The following PPFIBP1 variants were observed in gnomAD, a reference collection of about 807,000 sequenced individuals.
PPFIBP1 encodes the protein PPFIB scaffold protein 1.
In PPFIBP1, 112 loss-of-function variants were observed where a neutral mutation model predicts 137.8. The observed-to-expected ratio is 0.81, with a 90% confidence interval of 0.70 to 0.95. The LOEUF is 0.95. Among genes scored for constraint, PPFIBP1 ranks in the 40% least tolerant of loss-of-function variants. The probability of loss-of-function intolerance (pLI) is 0.00; values close to 1 mark genes in which losing one functional copy is unlikely to be tolerated. For synonymous variants in PPFIBP1, 378 were observed against 417.3 expected (o/e 0.91, Z 1.15); for missense variants, 1,083 against 1,196.6 (o/e 0.91, Z 1.40).
rs540614015 is a variant in PPFIBP1 at position 27,544,462 on chromosome 12, G to A, written c.-124+20097G>A. 9.2e-5 allele frequency among the ~76,000 whole-genome samples: 14 copies of A among 152,290 alleles called. No individual in the cohort carries two copies. The South Asian group carries it at 2.3e-3, about 25-fold the overall frequency. ...CGTCGGAGTGAACAGGCAGCCTACA[G>A]AATGGGAGAAAAGTTTTGCAATCTA... On this transcript the variant is annotated intron_variant, in intron 1 of 29. Transcript: ENST00000228425.
Position 27,641,980 on chromosome 12 carries a change from A to AATAAATAAATAAATAAATAG in PPFIBP1, c.271-4079_271-4078insAATAAATAAATAAATAGATA, listed in dbSNP as rs1555225027. Among the ~76,000 whole-genome samples the AATAAATAAATAAATAAATAG allele has an allele frequency of 2.0e-3, 287 of 144,978 alleles. 2 individuals are homozygous for AATAAATAAATAAATAAATAG. The highest frequency in any genetic ancestry group is 3.5e-3 in the Middle Eastern group (1 of 282). On this transcript the variant is annotated intron_variant, in intron 4 of 29. Coordinates refer to ENST00000228425, the MANE Select transcript of PPFIBP1 (RefSeq NM_003622.4). ...AAATAAATAAATAAATAAATAAATA[A>AATAAATAAATAAATAAATAG]ATAGAAGGCTTTCCACTTAGATGGT... is the stretch of plus-strand genomic sequence containing the variant.
intron 1 of PPFIBP1, among the ~76,000 whole-genome samples, chr12:27,565,892 T>G (rs1039422843): frequency 6.6e-6 from 1 of 151,982 alleles, no homozygotes. Flanking sequence ...ACCATGTTAT[T>G]TCTCCATCTT....
At chr12:27,639,912 C>T (rs2057990828) in intron 4 of PPFIBP1, among the ~76,000 whole-genome samples, 1 of 152,194 alleles carries the variant, frequency 6.6e-6, no homozygotes, top group Admixed American at 6.5e-5. Context: ...AGTCCCCGTC[C>T]TACCACCCTC....
chr12:27,527,542 C>T (rs1215395968), intron 1 of PPFIBP1, among the ~76,000 whole-genome samples: 1 of 152,074 alleles, frequency 6.6e-6, no homozygotes, highest in East Asian at 1.9e-4. Context: ...GGGTGCCCAG[C>T]CTGTCTTTTC....
chr12:27,685,259 GTA>G (rs1468467126), intron 24 of PPFIBP1, among the ~76,000 whole-genome samples: 1 of 150,312 alleles, frequency 6.7e-6, no homozygotes, highest in Non-Finnish European at 1.5e-5. Context: ...ATGCATGTTT[GTA>G]TATATGTGTG....
chr12:27,593,690 G>C, intron 2 of PPFIBP1: 2 of 579,150 alleles, frequency 3.5e-6, no homozygotes, highest in Non-Finnish European at 6.2e-6. Context: ...TTGGGAACTT[G>C]TTTATCCACA....
intron 17 of PPFIBP1, 24 bp downstream of exon 17, chr12:27,674,245 T>C: frequency 6.4e-7 from 1 of 1,564,484 alleles, no homozygotes; most frequent in Non-Finnish European, 8.7e-7. Flanking sequence ...CAAATTACAA[T>C]GCAAAAATAT....
chr12:27,646,382 A>G, intron 5 of PPFIBP1: 1 of 544,514 alleles, frequency 1.8e-6, no homozygotes, highest in Non-Finnish European at 3.5e-6. Context: ...CAGTCTGAAT[A>G]CGGGCACAAT....
rs2061669693 is a variant in PPFIBP1, at chr12:27,693,831, C to T, written c.*949C>T. 1 of 152,148 alleles carries T rather than the reference C, an allele frequency of 6.6e-6. No individual in the cohort carries two copies. The highest frequency in any genetic ancestry group is 1.9e-4 in the East Asian group (1 of 5,188). The allele number at this position is 152,148 out of a possible 1,614,324, so 9.4% of individuals were successfully genotyped here. A position where few individuals can be genotyped will look rare whatever the true frequency, so the allele number is the denominator to read the frequency against. On this transcript the variant is annotated 3_prime_UTR_variant, in exon 30 of 30. Coordinates refer to ENST00000228425, the MANE Select transcript of PPFIBP1 (RefSeq NM_003622.4). ...AGGTGGGACTCCAGGCATGCACCAC[C>T]ATGCCTGGCTAATTTTTGCATTTTT...
intron 27 of PPFIBP1, among the ~76,000 whole-genome samples, chr12:27,691,292 G>C (rs988144308): frequency 6.6e-6 from 1 of 151,816 alleles, no homozygotes; most frequent in East Asian, 1.9e-4. Context: ...TCAAAACTAT[G>C]AAGCCAGGTG....
intron 1 of PPFIBP1, among the ~76,000 whole-genome samples, chr12:27,531,361 C>T (rs1036472601): frequency 2.6e-5 from 4 of 152,046 alleles, no homozygotes; most frequent in African/African-American, 4.8e-5. Flanking sequence ...GTTGCAATCT[C>T]GGCTCACTGC....
intron 2 of PPFIBP1, among the ~76,000 whole-genome samples, chr12:27,625,048 A>G (rs753553481): frequency 6.6e-6 from 1 of 152,126 alleles, no homozygotes; most frequent in Non-Finnish European, 1.5e-5. Context: ...AGGTGAGCAA[A>G]TTGCTTGAGC....
At chr12:27,591,038 T>A (rs570536644) in intron 2 of PPFIBP1, among the ~76,000 whole-genome samples, 2 of 152,148 alleles carry the variant, frequency 1.3e-5, no homozygotes, top group East Asian at 3.9e-4. Flanking sequence ...GTCTTTATAG[T>A]CATATATTTG....
chr12:27,611,660 A>T (rs971807527), intron 2 of PPFIBP1, among the ~76,000 whole-genome samples: 15 of 152,202 alleles, frequency 9.9e-5, no homozygotes, highest in Non-Finnish European at 2.9e-5. Flanking sequence ...TTTGCTTTTT[A>T]GCTATACTTA....
chr12:27,526,235 A>ATCT (rs1943737284), intron 1 of PPFIBP1, among the ~76,000 whole-genome samples: 1 of 152,180 alleles, frequency 6.6e-6, no homozygotes, highest in South Asian at 2.1e-4. Context: ...AAAGAAGAGT[A>ATCT]TCTTTAGGAT....
intron 24 of PPFIBP1, among the ~76,000 whole-genome samples, chr12:27,685,071 G>T (rs981356358): frequency 2.0e-5 from 3 of 151,686 alleles, no homozygotes; most frequent in African/African-American, 7.3e-5. Flanking sequence ...AATTTTCCAG[G>T]GTCATTTACT....
Position 27,614,383 on chromosome 12 carries a change from T to TA in PPFIBP1, c.-35-18971dup, listed in dbSNP as rs942461322. Among the ~76,000 whole-genome samples, 9 of 151,812 alleles carry TA rather than the reference T, an allele frequency of 5.9e-5. 1 individual carries two copies. Among genetic ancestry groups the TA allele is most frequent in the Middle Eastern group, 6.3e-3 (2 of 316 alleles). The stretch of plus-strand genomic sequence containing the variant: ...GAGTGACAGAGCAAGACTCTGTATT[T>TA]AAAAAAAAGAGAATAAAAGACCTCC... On this transcript the variant is annotated intron_variant, in intron 2 of 29. Coordinates refer to ENST00000228425, the MANE Select transcript of PPFIBP1 (RefSeq NM_003622.4).
intron 20 of PPFIBP1, 62 bp downstream of exon 20, chr12:27,679,701 G>C: frequency 6.4e-7 from 1 of 1,562,916 alleles, no homozygotes; most frequent in Non-Finnish European, 8.7e-7. Context: ...AAAGTGGCTG[G>C]ACATGGGTAT....
chr12:27,538,722 C>A (rs1945325696), intron 1 of PPFIBP1, among the ~76,000 whole-genome samples: 1 of 152,168 alleles, frequency 6.6e-6, no homozygotes, highest in South Asian at 2.1e-4. Context: ...TGCAAAGATG[C>A]CCCAGCTAGA....
Sources: allele counts gnomAD v4.1 joint callset (sites outside exome capture counted in the v4.1 genomes callset), GRCh38; gene constraint gnomAD v4.1.1; transcripts MANE v1.5; gene names NCBI Gene and HGNC (gene_info 2026-07-23, HGNC 2026-07-21).